EXOC4: variants seen among roughly 807,000 people sequenced by gnomAD.
EXOC4 encodes SEC8-like 1.
Under a neutral mutation model 107.2 loss-of-function variants are expected in EXOC4, and 71 were observed. The ratio of observed to expected loss-of-function variants is 0.66; its 90% CI spans 0.55 to 0.81. EXOC4 has a LOEUF of 0.81. EXOC4 is among the 30% of genes least tolerant of loss of function. The probability of loss-of-function intolerance (pLI) is 0.00; values close to 1 mark genes in which losing one functional copy is unlikely to be tolerated. For missense variants in EXOC4, 1,108 were observed against 1,189.6 expected (o/e 0.93, Z 1.01); for synonymous variants, 456 against 441.2 (o/e 1.03, Z -0.42).
At chr7:133,581,057 A>G (rs7801515) in intron 9 of EXOC4, among the ~76,000 whole-genome samples, 95,476 of 152,092 alleles carry the variant, frequency 0.63, 31,088 homozygotes, top group South Asian at 0.73. Context: ...GTTGTATAAT[A>G]TATTGCTTTA....
intron 9 of EXOC4, among the ~76,000 whole-genome samples, chr7:133,556,203 A>G (rs1465423633): frequency 6.6e-6 from 1 of 152,186 alleles, no homozygotes; most frequent in African/African-American, 2.4e-5. Context: ...AATAGGTTCT[A>G]AACTAATTAT....
intron 9 of EXOC4, among the ~76,000 whole-genome samples, chr7:133,526,686 A>G (rs1800084681): frequency 6.6e-6 from 1 of 152,194 alleles, no homozygotes; most frequent in South Asian, 2.1e-4. Flanking sequence ...TCAAAAGTAG[A>G]TATAGCCGGG....
intron 13 of EXOC4, among the ~76,000 whole-genome samples, chr7:133,927,286 G>C (rs1800073367): frequency 6.6e-6 from 1 of 152,086 alleles, no homozygotes; most frequent in Admixed American, 6.5e-5. Flanking sequence ...GTCCTTAGTA[G>C]GTCTTTATAC....
chr7:133,855,992 A>G (rs1585201475), intron 11 of EXOC4, among the ~76,000 whole-genome samples: 1 of 152,242 alleles, frequency 6.6e-6, no homozygotes, highest in Non-Finnish European at 1.5e-5. Flanking sequence ...CATTTGAGAT[A>G]GTTACCTCAC....
At position 133,275,012 on chromosome 7, in the gene EXOC4, C is replaced by G. The variant is rs1246966392; in HGVS notation, c.117C>G (p.Asp39Glu). 6.2e-7 allele frequency: 1 copy of G among 1,612,414 alleles called. No individual in the cohort carries two copies. The highest frequency in any genetic ancestry group is 1.1e-5 in the South Asian group (1 of 90,828). ...TGTCTACTAGTGACGATGTCGAAGA[C>G]AGGGAAAATGAAAAGGGTCGCCTTG... ...RTLSTSDDVE[D>E]RENEKGRLEE... The change falls in exon 2 of 18, where the codon GAC becomes GAG. Residue 39 changes from aspartate to glutamate, a missense_variant. By Grantham distance (45) the Asp-to-Glu change is conservative. Coordinates refer to ENST00000253861, the MANE Select transcript of EXOC4 (RefSeq NM_021807.4).
chr7:134,036,587 CAAAAG>C (rs774528543), intron 17 of EXOC4, among the ~76,000 whole-genome samples: 1 of 150,904 alleles, frequency 6.6e-6, no homozygotes, highest in African/African-American at 2.4e-5. Flanking sequence ...GACCCTGTCT[CAAAAG>C]AAAAAAAAGA....
chr7:133,655,041 A>T (rs989941582), intron 10 of EXOC4, among the ~76,000 whole-genome samples: 18 of 152,198 alleles, frequency 1.2e-4, no homozygotes, highest in African/African-American at 4.3e-4. Flanking sequence ...TGGTACGTGA[A>T]TGTGAAGGTC....
intron 14 of EXOC4, among the ~76,000 whole-genome samples, chr7:133,977,444 C>A (rs1315596290): frequency 3.3e-5 from 5 of 152,100 alleles, no homozygotes; most frequent in Non-Finnish European, 7.4e-5. Context: ...AAGGAGAAAG[C>A]AAATCACTTG....
At chr7:133,894,394 G>C (rs1184834551) in intron 11 of EXOC4, among the ~76,000 whole-genome samples, 1 of 143,074 alleles carries the variant, frequency 7.0e-6, no homozygotes, top group Non-Finnish European at 1.5e-5. Context: ...GTAGCTCAGA[G>C]TAATTTGATG....
chr7:133,619,901 G>A (rs1234457542), intron 9 of EXOC4, among the ~76,000 whole-genome samples: 3 of 152,096 alleles, frequency 2.0e-5, no homozygotes, highest in African/African-American at 7.2e-5. Flanking sequence ...ACCCCTACAA[G>A]AGCCAGGTGA....
intron 15 of EXOC4, among the ~76,000 whole-genome samples, chr7:134,002,105 A>G (rs1437407907): frequency 4.6e-5 from 7 of 152,230 alleles, no homozygotes; most frequent in Non-Finnish European, 1.0e-4. Context: ...AGAGGAGGCT[A>G]CAACCAGTGC....
intron 5 of EXOC4, among the ~76,000 whole-genome samples, chr7:133,320,277 C>T (rs1346961818): frequency 6.6e-6 from 1 of 152,146 alleles, no homozygotes; most frequent in African/African-American, 2.4e-5. Flanking sequence ...AATCTGATAG[C>T]AGTAAAATCA....
chr7:133,965,108 G>A (rs1229918030), intron 14 of EXOC4, among the ~76,000 whole-genome samples: 2 of 152,042 alleles, frequency 1.3e-5, no homozygotes, highest in Non-Finnish European at 2.9e-5. Flanking sequence ...TCATCTGTTT[G>A]TTGGCTGCAT....
intron 15 of EXOC4, among the ~76,000 whole-genome samples, chr7:134,000,219 C>T (rs1794500862): frequency 6.6e-6 from 1 of 152,086 alleles, no homozygotes. Context: ...CCACATAAGG[C>T]TCGGATAGTG....
chr7:133,291,267 T>G (rs1794398477), intron 3 of EXOC4, among the ~76,000 whole-genome samples: 1 of 152,140 alleles, frequency 6.6e-6, no homozygotes, highest in Admixed American at 6.5e-5. Context: ...CTGTTAGATA[T>G]CTTCTCCCAA....
At chr7:134,090,462 G>C in the EXOC4 span, among the ~76,000 whole-genome samples, 2 of 152,174 alleles carry the variant, frequency 1.3e-5, no homozygotes, top group South Asian at 2.1e-4. Context: ...CACCAGATTT[G>C]CTACAGCTTA....
intron 7 of EXOC4, among the ~76,000 whole-genome samples, chr7:133,466,803 G>C (rs1657923779): frequency 6.6e-6 from 1 of 152,118 alleles, no homozygotes; most frequent in African/African-American, 2.4e-5. Flanking sequence ...CATATAAACT[G>C]TATTATACCA....
chr7:133,660,446 G>A (rs1803412613), intron 10 of EXOC4, among the ~76,000 whole-genome samples: 2 of 152,126 alleles, frequency 1.3e-5, no homozygotes, highest in South Asian at 4.1e-4. Flanking sequence ...TGGCGAAGGT[G>A]CCTACCCCTC....
chr7:133,744,090 G>A (rs1227099233), intron 10 of EXOC4, among the ~76,000 whole-genome samples: 1 of 151,422 alleles, frequency 6.6e-6, no homozygotes, highest in African/African-American at 2.4e-5. Context: ...ATTCATTGCT[G>A]ATATATAGCT....
Sources: gnomAD v4.1 joint callset for allele counts (sites outside exome capture counted in the v4.1 genomes callset) on GRCh38, gnomAD v4.1.1 for gene constraint, MANE v1.5 for transcripts, NCBI Gene and HGNC (gene_info 2026-07-23, HGNC 2026-07-21) for gene names.